TJP1: variants seen among roughly 807,000 people sequenced by gnomAD.
TJP1 encodes tight junction protein 1.
In TJP1, 43 loss-of-function variants were observed where a neutral mutation model predicts 194.2. The observed-to-expected ratio is 0.22, with a 90% CI of 0.17 to 0.29. TJP1 has a LOEUF of 0.29. Among genes scored for constraint, TJP1 ranks in the 10% least tolerant of loss-of-function variants. The pLI is 1.00. For synonymous variants in TJP1, 801 were observed against 779.0 expected, an observed-to-expected ratio of 1.03 and a Z score of -0.47; for missense variants, 1,971 against 2,185.7, an observed-to-expected ratio of 0.90 and a Z score of 1.96.
intron 1 of TJP1, among the ~76,000 whole-genome samples, chr15:29,811,304 C>T (rs2049483861): frequency 6.6e-6 from 1 of 151,304 alleles, no homozygotes; most frequent in Non-Finnish European, 1.5e-5. Context: ...CGGGGGAGAG[C>T]GGAGAGAAAC....
chr15:29,904,445 G>C (rs2053738718), intron 2 of TJP1, among the ~76,000 whole-genome samples: 1 of 152,008 alleles, frequency 6.6e-6, no homozygotes, highest in South Asian at 2.1e-4. Context: ...TGCAGAGGAA[G>C]AGAAAGTCAA....
intron 27 of TJP1, 32 bp downstream of exon 27, chr15:29,704,120 CAGTCCCCAAA>C: frequency 6.5e-7 from 1 of 1,538,534 alleles, no homozygotes; most frequent in Non-Finnish European, 8.8e-7. Context: ...TAATCAACGA[CAGTCCCCAAA>C]GCTCCCAAAG....
At chr15:29,949,677 CCACCTT>C (rs2055548997) in intron 2 of TJP1, among the ~76,000 whole-genome samples, 3 of 111,626 alleles carry the variant, frequency 2.7e-5, no homozygotes, top group Non-Finnish European at 4.0e-5. Flanking sequence ...ACCACCACCT[CCACCTT>C]CACCACCACC....
At chr15:29,936,468 C>T (rs541095264) in intron 2 of TJP1, among the ~76,000 whole-genome samples, 2 of 152,302 alleles carry the variant, frequency 1.3e-5, no homozygotes, top group South Asian at 4.1e-4. Context: ...CCTTCCTAAG[C>T]CATCCTGACC....
upstream of TJP1, chr15:29,823,219 G>C (rs1264928880): frequency 1.3e-5 from 2 of 152,214 alleles, no homozygotes; most frequent in Admixed American, 1.3e-4. Context: ...TGACCGAACG[G>C]GTCAAGCTGC....
At chr15:29,719,732 A>G (rs1334717988) in intron 20 of TJP1, 45 bp downstream of exon 20, 1 of 1,581,398 alleles carries the variant, frequency 6.3e-7, no homozygotes, top group Non-Finnish European at 8.6e-7. Flanking sequence ...CATGTGCCAG[A>G]TTGATGGACA....
chr15:29,854,060 A>G (rs785448), intron 2 of TJP1, among the ~76,000 whole-genome samples: 145,664 of 152,282 alleles, frequency 0.96, 69,706 homozygotes, highest in East Asian at 1. Context: ...ACGCAAAAAT[A>G]ACATGGCCAG....
chr15:29,772,853 T>TAA lies in TJP1; in HGVS notation c.209+379_209+380insTT, dbSNP rs2046780747. ...AATCATGGCTCATTGCAGCCTCAGA[T>TAA]TCTTAAGTTCAAGGGATTCTCCTGC... On this transcript the variant is annotated intron_variant, in intron 3 of 27. Transcript: ENST00000614355. Among the ~76,000 whole-genome samples the TAA allele has an allele frequency of 2.0e-5, 3 of 152,168 alleles. No individual in the cohort carries two copies. In the East Asian group the frequency reaches 5.8e-4, roughly 29 times the overall value.
At chr15:29,765,327 A>G (rs1446339193) in intron 5 of TJP1, among the ~76,000 whole-genome samples, 1 of 152,130 alleles carries the variant, frequency 6.6e-6, no homozygotes, top group Non-Finnish European at 1.5e-5. Flanking sequence ...CACCTAGGAG[A>G]TATGCCAAGT....
At chr15:29,820,407 C>A (rs917563721) in intron 1 of TJP1, 6 of 650,144 alleles carry the variant, frequency 9.2e-6, no homozygotes, top group African/African-American at 9.1e-5. Flanking sequence ...TCAACTTGCC[C>A]TTTACTCGCA....
Position 29,766,419 on chromosome 15 carries a change from C to A in TJP1, c.436G>T (p.Val146Leu). 1 of 1,614,218 alleles carries A rather than the reference C, an allele frequency of 6.2e-7. No individual in the cohort carries two copies. The highest frequency in any genetic ancestry group is 1.1e-5 in the South Asian group (1 of 91,076). The change falls in exon 5 of 28, where the codon GTG becomes TTG. Residue 146 changes from valine (V) to leucine (L), a missense_variant. Around this residue, in one of 5 missense-constraint regions of TJP1, gnomAD observed 245 missense variants for 336.6 expected, o/e 0.73. Transcript: ENST00000614355. ...IHDPRSGRSG[V>L]VNRRSEKIWP... ...ATCTTCTCACTCCTTCTGTTAACCA[C>A]ACCACTCCGGCCACTTCTTGGATCA...
intron 8 of TJP1, among the ~76,000 whole-genome samples, chr15:29,757,294 T>C (rs1566964950): frequency 6.6e-6 from 1 of 152,234 alleles, no homozygotes; most frequent in African/African-American, 2.4e-5. Flanking sequence ...GCAGGGCTGA[T>C]GTTTGCCAAG....
At chr15:29,809,148 T>C (rs1173425534) in intron 1 of TJP1, among the ~76,000 whole-genome samples, 3 of 152,244 alleles carry the variant, frequency 2.0e-5, no homozygotes, top group African/African-American at 7.2e-5. Flanking sequence ...ATTCAGAGAC[T>C]GAATATGGAA....
intron 18 of TJP1, 74 bp downstream of exon 18, chr15:29,726,304 TG>T: frequency 8.2e-7 from 1 of 1,224,430 alleles, no homozygotes; most frequent in South Asian, 1.3e-5. Context: ...TAGAAAGCAC[TG>T]GTATCTCAAA....
At chr15:29,888,040 A>C (rs2053178736) in intron 2 of TJP1, among the ~76,000 whole-genome samples, 1 of 152,212 alleles carries the variant, frequency 6.6e-6, no homozygotes, top group African/African-American at 2.4e-5. Flanking sequence ...GAAACGATCT[A>C]AAAGTATATT....
At chr15:29,772,218 G>C (rs778517138) in intron 3 of TJP1, 52 bp from the exon 4 acceptor site, 10 of 1,128,386 alleles carry the variant, frequency 8.9e-6, no homozygotes, top group Admixed American at 2.4e-5. Context: ...ATTCTGGTAA[G>C]TTTATGATGA....
chr15:29,821,846 G>A (rs929026602), intron 1 of TJP1, among the ~76,000 whole-genome samples, 156 bp downstream of exon 1: 8 of 130,216 alleles, frequency 6.1e-5, no homozygotes, highest in African/African-American at 2.0e-4. Flanking sequence ...CGCGGCCCGC[G>A]GCCCGCGGCC....
chr15:29,861,459 T>C (rs1032034741), intron 2 of TJP1, among the ~76,000 whole-genome samples: 1 of 152,158 alleles, frequency 6.6e-6, no homozygotes, highest in Admixed American at 6.5e-5. Context: ...CAGACCTTGG[T>C]GATGACCTTG....
At chr15:29,912,686 ACT>A (rs2152228749) in intron 2 of TJP1, among the ~76,000 whole-genome samples, 1 of 118,278 alleles carries the variant, frequency 8.5e-6, no homozygotes, top group East Asian at 2.7e-4. Context: ...ACAGAGCAAG[ACT>A]CTGTCTCAAA....
Sources: allele counts gnomAD v4.1 joint callset (sites outside exome capture counted in the v4.1 genomes callset), GRCh38; gene constraint gnomAD v4.1.1; regional missense constraint gnomAD v4.1.1; transcripts MANE v1.5; gene names NCBI Gene and HGNC (gene_info 2026-07-23, HGNC 2026-07-21).